The following FAT3 variants were observed in gnomAD, a reference collection of about 807,000 sequenced individuals.
The protein encoded by FAT3 is FAT atypical cadherin 3.
In FAT3, 95 loss-of-function variants were observed where a neutral mutation model predicts 310.2. The ratio of observed to expected loss-of-function variants is 0.31; its 90% CI spans 0.26 to 0.36. FAT3 has a LOEUF of 0.36. Ranked by LOEUF, FAT3 falls within the 10% of genes least tolerant of loss-of-function variation. FAT3 has a pLI of 1.00. For synonymous variants in FAT3, 2,314 were observed against 2,192.9 expected (o/e 1.06, Z -1.54); for missense variants, 5,408 against 5,715.6 (o/e 0.95, Z 1.74).
intron 3 of FAT3, among the ~76,000 whole-genome samples, chr11:92,563,629 G>A (rs1245188449): frequency 6.6e-6 from 1 of 151,852 alleles, no homozygotes; most frequent in Non-Finnish European, 1.5e-5. Context: ...ATCCTACTTC[G>A]AAACCCAGCT....
At chr11:92,249,627 G>C (rs955004226) in intron 1 of FAT3, among the ~76,000 whole-genome samples, 1 of 151,992 alleles carries the variant, frequency 6.6e-6, no homozygotes, top group Admixed American at 6.6e-5. Flanking sequence ...ACTGATACTC[G>C]TATCACAGTA....
At chr11:92,531,897 G>A (rs1954087577) in intron 3 of FAT3, among the ~76,000 whole-genome samples, 1 of 152,040 alleles carries the variant, frequency 6.6e-6, no homozygotes, top group South Asian at 2.1e-4. Flanking sequence ...ATGTTCAGCA[G>A]TATCCCTGGC....
Position 92,352,611 on chromosome 11 carries a change from A to G in FAT3, c.499A>G (p.Ile167Val), listed in dbSNP as rs775681492. The G allele has an allele frequency of 1.2e-6, 2 of 1,613,758 alleles. No individual in the cohort carries two copies. Among genetic ancestry groups the G allele is most frequent in the African/African-American group, 1.3e-5 (1 of 74,924 alleles). ...LFSPTTYSVT[I>V]AESTPLRTSV... Reference sequence around the variant, plus strand: ...TTCACCCACAACATACTCTGTTACCATAGCAGAAAGCACACCTCTAAGGAC... The same window carrying G: ...TTCACCCACAACATACTCTGTTACCGTAGCAGAAAGCACACCTCTAAGGAC... The change falls in exon 2 of 28, where the codon ATA becomes GTA. Residue 167 changes from isoleucine to valine, a missense_variant. By Grantham distance (29) the Ile-to-Val change is conservative. This residue lies in a region of FAT3 where 4,588 missense variants were observed against 4,809.8 expected (regional missense o/e 0.95). Coordinates refer to ENST00000525166, the MANE Select transcript of FAT3 (RefSeq NM_001367949.2).
chr11:92,338,517 G>C (rs1948151050), intron 1 of FAT3, among the ~76,000 whole-genome samples: 1 of 152,106 alleles, frequency 6.6e-6, no homozygotes, highest in Non-Finnish European at 1.5e-5. Flanking sequence ...CCATGCTGCA[G>C]AGTAAAATGA....
intron 2 of FAT3, among the ~76,000 whole-genome samples, chr11:92,393,433 G>A (rs1318006859): frequency 6.6e-6 from 1 of 152,116 alleles, no homozygotes; most frequent in Non-Finnish European, 1.5e-5. Flanking sequence ...GATGCTTTGA[G>A]ACTCTTCTGC....
chr11:92,750,787 A>G (rs1174402711), intron 4 of FAT3, among the ~76,000 whole-genome samples: 3 of 152,216 alleles, frequency 2.0e-5, no homozygotes, highest in Non-Finnish European at 2.9e-5. Context: ...GTTCAAGCCA[A>G]TGGCCTCTTA....
At chr11:92,614,136 T>C (rs1480526009) in intron 3 of FAT3, among the ~76,000 whole-genome samples, 1 of 152,210 alleles carries the variant, frequency 6.6e-6, no homozygotes, top group Non-Finnish European at 1.5e-5. Context: ...TTTTATTTAT[T>C]AATTCATCAG....
At chr11:92,525,072 G>T (rs1953813889) in intron 3 of FAT3, 124 bp downstream of exon 3, 1 of 867,140 alleles carries the variant, frequency 1.2e-6, no homozygotes, top group African/African-American at 1.7e-5. Flanking sequence ...TCTGAGAATG[G>T]TTTCTGAAAA....
At chr11:92,725,545 GAAGAAAAAA>G (rs1267206006) in intron 4 of FAT3, among the ~76,000 whole-genome samples, 1 of 150,112 alleles carries the variant, frequency 6.7e-6, no homozygotes, top group Non-Finnish European at 1.5e-5. Flanking sequence ...TTACCTAATA[GAAGAAAAAA>G]AAGAAAAAAA....
chr11:92,755,370 G>A (rs1028034347), intron 4 of FAT3, among the ~76,000 whole-genome samples: 8 of 151,942 alleles, frequency 5.3e-5, no homozygotes, highest in Admixed American at 1.3e-4. Context: ...TTACAGGCAC[G>A]CACCACCATG....
chr11:92,292,381 C>T (rs1050285981), intron 1 of FAT3, among the ~76,000 whole-genome samples: 5 of 151,960 alleles, frequency 3.3e-5, no homozygotes, highest in African/African-American at 1.2e-4. Flanking sequence ...AATGTACCTC[C>T]AGAGTAGTTT....
intron 3 of FAT3, among the ~76,000 whole-genome samples, chr11:92,693,010 A>G (rs941880552): frequency 6.6e-6 from 1 of 152,276 alleles, no homozygotes; most frequent in African/African-American, 2.4e-5. Flanking sequence ...TACTTAGAAC[A>G]TTTTGAATTC....
At chr11:92,571,416 G>A (rs1271962681) in intron 3 of FAT3, among the ~76,000 whole-genome samples, 2 of 152,156 alleles carry the variant, frequency 1.3e-5, no homozygotes, top group African/African-American at 4.8e-5. Context: ...CGCAGGACCT[G>A]CACCTCACAC....
intron 13 of FAT3, 117 bp from the exon 14 acceptor site, chr11:92,831,505 T>A (rs1211097148): frequency 1.2e-6 from 1 of 836,124 alleles, no homozygotes; most frequent in African/African-American, 1.7e-5. Flanking sequence ...GCTGTCTGTT[T>A]CTGTAATAAC....
intron 2 of FAT3, among the ~76,000 whole-genome samples, chr11:92,452,263 T>C (rs1951373635): frequency 6.6e-6 from 1 of 152,168 alleles, no homozygotes; most frequent in Non-Finnish European, 1.5e-5. Flanking sequence ...CTTTATTTCA[T>C]GGTGTGGGAA....
At chr11:92,404,742 A>T (rs1950099461) in intron 2 of FAT3, among the ~76,000 whole-genome samples, 1 of 151,848 alleles carries the variant, frequency 6.6e-6, no homozygotes. Context: ...GATTCAGTAG[A>T]CTCAGTAAAG....
chr11:92,747,154 A>G (rs1945695223), intron 4 of FAT3, among the ~76,000 whole-genome samples: 1 of 152,168 alleles, frequency 6.6e-6, no homozygotes, highest in African/African-American at 2.4e-5. Flanking sequence ...GAGGTTCTCC[A>G]TGAGAGCCCT....
At chr11:92,324,482 G>T (rs887860547) in intron 1 of FAT3, among the ~76,000 whole-genome samples, 3 of 152,146 alleles carry the variant, frequency 2.0e-5, no homozygotes, top group African/African-American at 7.2e-5. Context: ...ATGGGGAATG[G>T]CTTATTGGTA....
chr11:92,682,110 A>G (rs550036142), intron 3 of FAT3, among the ~76,000 whole-genome samples: 1 of 152,312 alleles, frequency 6.6e-6, no homozygotes, highest in East Asian at 1.9e-4. Context: ...TGAGTTTCAA[A>G]TCTCTTCTCA....
Sources: allele counts gnomAD v4.1 joint callset (sites outside exome capture counted in the v4.1 genomes callset), GRCh38; gene constraint gnomAD v4.1.1; regional missense constraint gnomAD v4.1.1; transcripts MANE v1.5; gene names NCBI Gene and HGNC (gene_info 2026-07-23, HGNC 2026-07-21).